C1orf105: variants seen among roughly 807,000 people sequenced by gnomAD.
The protein encoded by C1orf105 is chromosome 1 open reading frame 105, also known as uncharacterized protein C1orf105.
Under a neutral mutation model 20.8 loss-of-function variants are expected in C1orf105, and 17 were observed. That is an observed-to-expected ratio of 0.82 (90% CI 0.56 to 1.23). The LOEUF is 1.23. Ranked by LOEUF, C1orf105 falls within the 50% of genes most tolerant of loss-of-function variation. The pLI, the probability that C1orf105 is intolerant of heterozygous loss-of-function variation, is 0.00. For synonymous variants in C1orf105, 72 were observed against 72.1 expected (o/e 1.00, Z 0.01); for missense variants, 219 against 213.5 (o/e 1.03, Z -0.16).
Position 172,445,172 on chromosome 1 carries a change from C to CA in C1orf105, c.107+15dup. ...CCTTCCCAGAAGGTAACCTCTCAGCCACCGAGGGCAAAAGTTTTACGAAAC... is the reference window on the plus strand; with the variant it reads ...CCTTCCCAGAAGGTAACCTCTCAGCCAACCGAGGGCAAAAGTTTTACGAAAC... On this transcript the variant is annotated intron_variant, in intron 2 of 6. Coordinates refer to ENST00000367727, the MANE Select transcript of C1orf105 (RefSeq NM_139240.4). 1 of 1,594,802 alleles carries CA rather than the reference C, an allele frequency of 6.3e-7. No homozygotes were observed. Among genetic ancestry groups the CA allele is most frequent in the Non-Finnish European group, 8.6e-7 (1 of 1,167,602 alleles).
chr1:172,452,243 G>C (rs182654166), intron 3 of C1orf105, among the ~76,000 whole-genome samples: 1 of 152,244 alleles, frequency 6.6e-6, no homozygotes, highest in Admixed American at 6.5e-5. Flanking sequence ...CTTTCTAGCC[G>C]ACTGAAGTTC....
chr1:172,447,294 C>A (rs1032329569), intron 2 of C1orf105, among the ~76,000 whole-genome samples: 1 of 152,112 alleles, frequency 6.6e-6, no homozygotes, highest in Non-Finnish European at 1.5e-5. Flanking sequence ...TCCAAGTGTG[C>A]GCAATGGAAA....
Position 172,448,596 on chromosome 1 carries a change from C to T in C1orf105, c.198+65C>T, listed in dbSNP as rs568110659. 4.6e-5 allele frequency: 41 copies of T among 893,874 alleles called. No homozygotes were observed. The South Asian group carries it at 5.0e-4, about 11-fold the overall frequency. 55.4% of individuals were successfully genotyped at this position (893,874 alleles called of 1,614,324 possible). On this transcript the variant is annotated intron_variant, in intron 3 of 6. Transcript: ENST00000367727. ...TCTAGAATGACATAGAATATGAATA[C>T]ATGTCCCATCTCCTTAGCACAGCCC...
At chr1:172,466,899 G>A (rs1401163046) in intron 6 of C1orf105, among the ~76,000 whole-genome samples, 2 of 152,148 alleles carry the variant, frequency 1.3e-5, no homozygotes, top group Non-Finnish European at 2.9e-5. Flanking sequence ...TAGATCTACT[G>A]TTTATTATAG....
Position 172,431,111 on chromosome 1 carries a change from A to G in C1orf105, c.21+10205A>G, listed in dbSNP as rs775325552. 2.7e-4 allele frequency: 175 copies of G among 642,380 alleles called. No homozygotes were observed. The African/African-American group carries it at 3.0e-3, about 11-fold the overall frequency. 39.8% of individuals were successfully genotyped at this position (642,380 alleles called of 1,614,324 possible). Reference sequence around the variant, plus strand: ...AATTAAGCCAATTAATAACCCTGCAATGGCTTTTAACTGTTCAAATGAAGA... The same window carrying G: ...AATTAAGCCAATTAATAACCCTGCAGTGGCTTTTAACTGTTCAAATGAAGA... On this transcript the variant is annotated intron_variant, in intron 1 of 6. Coordinates refer to ENST00000367727, the MANE Select transcript of C1orf105 (RefSeq NM_139240.4).
chr1:172,454,668 C>T (rs369317046), intron 3 of C1orf105, among the ~76,000 whole-genome samples: 1 of 152,094 alleles, frequency 6.6e-6, no homozygotes, highest in African/African-American at 2.4e-5. Flanking sequence ...CCTCACCATC[C>T]TTGTTCACTC....
At chr1:172,461,997 C>T (rs181269160) in intron 4 of C1orf105, among the ~76,000 whole-genome samples, 181 bp from the exon 5 acceptor site, 107 of 152,278 alleles carry the variant, frequency 7.0e-4, no homozygotes, top group Admixed American at 2.1e-3. Context: ...AACTGATATC[C>T]AGGGAAAAAC....
chr1:172,436,486 T>C (rs951173862), intron 1 of C1orf105, among the ~76,000 whole-genome samples: 4 of 152,194 alleles, frequency 2.6e-5, no homozygotes, highest in African/African-American at 7.2e-5. Context: ...AAACAAGCAA[T>C]GGGGAAAGGA....
chr1:172,465,195 A>ATAC lies in C1orf105; in HGVS notation c.342-102_342-101insCTA, dbSNP rs1437253243. On this transcript the variant is annotated intron_variant, in intron 5 of 6. Coordinates refer to ENST00000367727, the MANE Select transcript of C1orf105 (RefSeq NM_139240.4). Reference sequence around the variant, plus strand: ...CAAAAACTCCATCTCAATAATAATAATAAATAATAATAAATAAATAAAAAT... The same window carrying ATAC: ...CAAAAACTCCATCTCAATAATAATAATACTAAATAATAATAAATAAATAAAAAT... 8 of 437,862 alleles carry ATAC rather than the reference A, an allele frequency of 1.8e-5. No individual in the cohort carries two copies. The Admixed American group carries it at 2.4e-4, about 13-fold the overall frequency. 27.1% of individuals were successfully genotyped at this position (437,862 alleles called of 1,614,324 possible). A position where few individuals can be genotyped will look rare whatever the true frequency, so the allele number is the denominator to read the frequency against.
intron 2 of C1orf105, among the ~76,000 whole-genome samples, chr1:172,447,705 G>A (rs918788490): frequency 1.3e-5 from 2 of 152,222 alleles, no homozygotes; most frequent in Non-Finnish European, 2.9e-5. Flanking sequence ...AATAAACAAT[G>A]GACAATGAAA....
intron 1 of C1orf105, among the ~76,000 whole-genome samples, chr1:172,423,886 T>G (rs957899150): frequency 1.3e-5 from 2 of 152,062 alleles, no homozygotes; most frequent in Non-Finnish European, 2.9e-5. Flanking sequence ...AAAGAATTAG[T>G]GAGCTTGAAG....
At chr1:172,421,692 T>A (rs2071594302) in intron 1 of C1orf105, among the ~76,000 whole-genome samples, 1 of 152,114 alleles carries the variant, frequency 6.6e-6, no homozygotes, top group South Asian at 2.1e-4. Context: ...CAAAAATCAG[T>A]GATCACAAAG....
chr1:172,431,060 T>C, intron 1 of C1orf105: 1 of 658,180 alleles, frequency 1.5e-6, no homozygotes, highest in South Asian at 1.7e-5. Flanking sequence ...TGGGCCTCCC[T>C]ATTTCCTGAG....
At chr1:172,435,391 T>C (rs572739962) in intron 1 of C1orf105, among the ~76,000 whole-genome samples, 1 of 152,208 alleles carries the variant, frequency 6.6e-6, no homozygotes, top group South Asian at 2.1e-4. Context: ...AAAAAGCTTA[T>C]CCACCACGAT....
At chr1:172,444,924 G>T in intron 1 of C1orf105, 149 bp from the exon 2 acceptor site, 1 of 527,686 alleles carries the variant, frequency 1.9e-6, no homozygotes, top group South Asian at 3.2e-5. Context: ...TTTGCACTTG[G>T]CTACTTTATA....
intron 1 of C1orf105, 72 bp from the exon 2 acceptor site, chr1:172,444,990 GCTATTAGCTGA>G: frequency 9.2e-7 from 1 of 1,083,616 alleles, no homozygotes; most frequent in South Asian, 1.4e-5. Flanking sequence ...CTATATGGCT[GCTATTAGCTGA>G]CTTTGGCCAT....
chr1:172,461,239 T>C (rs1649670618), intron 4 of C1orf105, among the ~76,000 whole-genome samples: 1 of 152,214 alleles, frequency 6.6e-6, no homozygotes. Context: ...TGAGTAAACA[T>C]AGTACATTCT....
intron 4 of C1orf105, 110 bp downstream of exon 4, chr1:172,456,599 G>T: frequency 1.9e-6 from 2 of 1,047,078 alleles, no homozygotes; most frequent in South Asian, 1.4e-5. Flanking sequence ...TGCAAGGAGG[G>T]CCTAGATAAA....
intron 1 of C1orf105, chr1:172,441,532 G>T: frequency 2.3e-6 from 1 of 442,396 alleles, no homozygotes; most frequent in Non-Finnish European, 4.0e-6. Flanking sequence ...TCCCCAGAAA[G>T]TTTTTTCATC....
Sources: gnomAD v4.1 joint callset for allele counts (sites outside exome capture counted in the v4.1 genomes callset) on GRCh38, gnomAD v4.1.1 for gene constraint, MANE v1.5 for transcripts, NCBI Gene and HGNC (gene_info 2026-07-23, HGNC 2026-07-21) for gene names.